KPNA4: variants seen among roughly 807,000 people sequenced by gnomAD.
The protein encoded by KPNA4 is importin subunit alpha-3.
In KPNA4, 13 loss-of-function variants were observed where a neutral mutation model predicts 71.3. That is an observed-to-expected ratio of 0.18 (90% CI 0.12 to 0.29). KPNA4 has a LOEUF of 0.29. Ranked by LOEUF, KPNA4 falls within the 10% of genes least tolerant of loss-of-function variation. The pLI is 1.00. For missense variants in KPNA4, 334 were observed against 603.2 expected (o/e 0.55, Z 4.67); for synonymous variants, 189 against 195.2 (o/e 0.97, Z 0.26).
intron 1 of KPNA4, among the ~76,000 whole-genome samples, chr3:160,563,359 G>T (rs892793379): frequency 2.6e-5 from 4 of 152,202 alleles, no homozygotes; most frequent in African/African-American, 9.7e-5. Flanking sequence ...ACAAAAACTG[G>T]TTGCCTGGGG....
intron 10 of KPNA4, among the ~76,000 whole-genome samples, chr3:160,524,515 G>C (rs182126559): frequency 6.6e-6 from 1 of 151,736 alleles, no homozygotes; most frequent in East Asian, 1.9e-4. Context: ...CTAATTTTTT[G>C]GTATTTTTCA....
chr3:160,553,856 T>C (rs1426777387), intron 1 of KPNA4, among the ~76,000 whole-genome samples: 1 of 152,210 alleles, frequency 6.6e-6, no homozygotes, highest in Non-Finnish European at 1.5e-5. Context: ...GGTGTAATAC[T>C]CATTGTAAAT....
At chr3:160,521,987 T>G in intron 10 of KPNA4, 77 bp from the exon 11 acceptor site, 2 of 1,301,958 alleles carry the variant, frequency 1.5e-6, no homozygotes, top group African/African-American at 3.0e-5. Flanking sequence ...ACAACCATTC[T>G]AAAATTGTTC....
chr3:160,527,204 G>A (rs1390826556), intron 8 of KPNA4, among the ~76,000 whole-genome samples: 1 of 152,086 alleles, frequency 6.6e-6, no homozygotes, highest in African/African-American at 2.4e-5. Flanking sequence ...TAACTGTTAG[G>A]TCTCTGAGCT....
At chr3:160,509,164 C>T (rs1315241126) in intron 14 of KPNA4, among the ~76,000 whole-genome samples, 3 of 152,178 alleles carry the variant, frequency 2.0e-5, no homozygotes, top group Non-Finnish European at 4.4e-5. Flanking sequence ...AGCTTTGTCA[C>T]CCGCACGACC....
At chr3:160,507,075 T>A (rs1720997462) in intron 15 of KPNA4, among the ~76,000 whole-genome samples, 1 of 151,686 alleles carries the variant, frequency 6.6e-6, no homozygotes, top group Non-Finnish European at 1.5e-5. Flanking sequence ...TCATGTTCTG[T>A]CTATATATTA....
chr3:160,558,454 T>C (rs1029690306), intron 1 of KPNA4, among the ~76,000 whole-genome samples: 18 of 152,244 alleles, frequency 1.2e-4, no homozygotes, highest in African/African-American at 3.9e-4. Context: ...ATGCTAGGCA[T>C]TGTTAAACAT....
intron 10 of KPNA4, among the ~76,000 whole-genome samples, chr3:160,522,209 C>T (rs1322455124): frequency 6.6e-6 from 1 of 152,182 alleles, no homozygotes; most frequent in African/African-American, 2.4e-5. Flanking sequence ...AAGACATTCT[C>T]TTTCCCAAAG....
At chr3:160,510,250 C>T (rs1721063829) in intron 13 of KPNA4, among the ~76,000 whole-genome samples, 1 of 151,820 alleles carries the variant, frequency 6.6e-6, no homozygotes. Flanking sequence ...AAAATGATAC[C>T]CACCATTAAT....
chr3:160,514,847 G>A, intron 12 of KPNA4: 7 of 433,244 alleles, frequency 1.6e-5, no homozygotes, highest in Non-Finnish European at 3.2e-5. Flanking sequence ...TATAATCATA[G>A]ATAACTAATA....
intron 1 of KPNA4, among the ~76,000 whole-genome samples, chr3:160,543,105 A>G (rs963247026): frequency 6.6e-6 from 1 of 152,132 alleles, no homozygotes. Flanking sequence ...AGAGTTCTCT[A>G]TATTCTTCTA....
chr3:160,565,444 C>A lies in KPNA4; in HGVS notation c.-162G>T. 1 of 605,278 alleles carries A rather than the reference C, an allele frequency of 1.7e-6. No homozygotes were observed. The highest frequency in any genetic ancestry group is 2.9e-6 in the Non-Finnish European group (1 of 346,062). The allele number at this position is 605,278 out of a possible 1,614,324, so 37.5% of individuals were successfully genotyped here. On this transcript the variant is annotated 5_prime_UTR_variant, in exon 1 of 17. It adds an upstream start codon to the 5' untranslated region. Coordinates refer to ENST00000334256, the MANE Select transcript of KPNA4 (RefSeq NM_002268.5). ...CACCTGCCTCCGCCGCGGCCTTCTC[C>A]TCTCCCCGCCCGCCCCCCCGCCCTA...
Position 160,565,366 on chromosome 3 carries a change from G to A in KPNA4, c.-84C>T, listed in dbSNP as rs1010968676. 7.5e-5 allele frequency: 88 copies of A among 1,180,258 alleles called. No individual in the cohort carries two copies. The highest frequency in any genetic ancestry group is 2.2e-4 in the Middle Eastern group (1 of 4,540). The allele number at this position is 1,180,258 out of a possible 1,614,324, so 73.1% of individuals were successfully genotyped here. A position where few individuals can be genotyped will look rare whatever the true frequency, so the allele number is the denominator to read the frequency against. On this transcript the variant is annotated 5_prime_UTR_variant, in exon 1 of 17. Coordinates refer to ENST00000334256, the MANE Select transcript of KPNA4 (RefSeq NM_002268.5). The stretch of plus-strand genomic sequence containing the variant: ...CGCCGCACCGACACTCCCAGGAACC[G>A]GGCCGCCGCCTGAGCTGCTGTGCCC...
At chr3:160,542,917 T>C (rs1051365120) in intron 1 of KPNA4, among the ~76,000 whole-genome samples, 2 of 152,194 alleles carry the variant, frequency 1.3e-5, no homozygotes, top group African/African-American at 4.8e-5. Flanking sequence ...AGTACATAAA[T>C]ATAATTTTTA....
At chr3:160,538,258 G>A (rs1000937939) in intron 1 of KPNA4, among the ~76,000 whole-genome samples, 5 of 151,682 alleles carry the variant, frequency 3.3e-5, no homozygotes, top group African/African-American at 1.2e-4. Context: ...ATAAAAAAAT[G>A]TAATGTAAGT....
intron 16 of KPNA4, among the ~76,000 whole-genome samples, chr3:160,502,543 G>T (rs1720904594): frequency 6.6e-6 from 1 of 151,836 alleles, no homozygotes; most frequent in Non-Finnish European, 1.5e-5. Context: ...GCTAATTTTT[G>T]TATTTTTTGT....
intron 1 of KPNA4, among the ~76,000 whole-genome samples, chr3:160,540,411 A>T (rs1310605117): frequency 6.6e-6 from 1 of 152,230 alleles, no homozygotes; most frequent in South Asian, 2.1e-4. Context: ...CACTGTAGTA[A>T]CAACATAAGA....
intron 15 of KPNA4, among the ~76,000 whole-genome samples, chr3:160,505,306 C>T (rs1032124849): frequency 5.3e-5 from 8 of 152,110 alleles, no homozygotes; most frequent in Non-Finnish European, 8.8e-5. Context: ...AGTAATGAGA[C>T]ATCTGCCTAT....
At chr3:160,534,790 C>T (rs1272220160) in intron 5 of KPNA4, among the ~76,000 whole-genome samples, 1 of 148,556 alleles carries the variant, frequency 6.7e-6, no homozygotes, top group Non-Finnish European at 1.5e-5. Flanking sequence ...GGAGTGTATG[C>T]AGTCATTAAT....
Sources: allele counts gnomAD v4.1 joint callset (sites outside exome capture counted in the v4.1 genomes callset), GRCh38; gene constraint gnomAD v4.1.1; transcripts MANE v1.5; gene names NCBI Gene and HGNC (gene_info 2026-07-23, HGNC 2026-07-21).